MEG3: variants seen among roughly 807,000 people sequenced by gnomAD.
MEG3 encodes the protein Very putative protein from MEG3 locus.
chr14:100,831,475 T>A (rs1018030132), downstream of MEG3: 1 of 152,702 alleles, frequency 6.5e-6, no homozygotes, highest in Non-Finnish European at 1.5e-5. Context: ...TCACCTCCAA[T>A]TTCCTCTTCA....
At chr14:100,836,272 C>A (rs908552044) in exon 2 of MEG3, 1 of 456,570 alleles carries the variant, frequency 2.2e-6, no homozygotes, top group South Asian at 1.5e-5. Context: ...TTCTTCCTGG[C>A]GGGCCTCTCG....
rs914413136 is a variant in MEG3, at chr14:100,837,646, T to C, written n.3045+1346T>C. Among the ~76,000 whole-genome samples the C allele has an allele frequency of 2.0e-5, 3 of 152,098 alleles. No homozygotes were observed. ...AGCCATGTGCACGCATCAGCCCTTG[T>C]GCAGGCCTCCGCCCTCCGCCACCCC... On this transcript the variant is annotated intron_variant and non_coding_transcript_variant, in intron 2 of 3. Coordinates refer to the MEG3 transcript ENST00000398461. The surrounding 1 kb of genome is among the most constrained non-coding windows in gnomAD (Gnocchi z 5.8).
At chr14:100,836,841 G>A (rs977139708) in intron 2 of MEG3, among the ~76,000 whole-genome samples, 2 of 152,006 alleles carry the variant, frequency 1.3e-5, no homozygotes, top group Non-Finnish European at 2.9e-5. Flanking sequence ...TGGTTTTTGA[G>A]CAAGTTCTTC....
At chr14:100,849,239 G>A (rs1488944701) in intron 3 of MEG3, 1 of 152,214 alleles carries the variant, frequency 6.6e-6, no homozygotes, top group Non-Finnish European at 1.5e-5. Flanking sequence ...CTGGGTTCCT[G>A]AGATAGTTAA....
chr14:100,845,149 G>A lies in MEG3; in HGVS notation n.3046-309G>A, dbSNP rs767786583. Among the ~76,000 whole-genome samples, 4 of 152,162 alleles carry A rather than the reference G, an allele frequency of 2.6e-5. No homozygotes were observed. Among genetic ancestry groups the A allele is most frequent in the Admixed American group, 6.5e-5 (1 of 15,284 alleles). ...TGTCTTCAGGGCCTGGGCCACCCCC[G>A]TTTCTCATCTATGCAGGGTCCTAAG... On this transcript the variant is annotated intron_variant and non_coding_transcript_variant, in intron 2 of 3. Transcript: ENST00000398461. This position sits in a 1 kb window ranked among gnomAD's most constrained non-coding sequence, Gnocchi z 5.2.
At chr14:100,856,510 C>G (rs578187688), upstream of MEG3, 2 of 152,770 alleles carry the variant, frequency 1.3e-5, no homozygotes, top group South Asian at 4.1e-4. Context: ...GCAATGTAAC[C>G]GTGATTTTGA....
chr14:100,850,023 A>G (rs149406604), intron 3 of MEG3: 49 of 152,398 alleles, frequency 3.2e-4, no homozygotes, highest in African/African-American at 1.2e-3. Context: ...AAATAAAAGA[A>G]TAAATACTTA....
At chr14:100,834,254 A>G (rs2037485185) in exon 1 of MEG3, 4 of 163,662 alleles carry the variant, frequency 2.4e-5, no homozygotes, top group Admixed American at 2.4e-4. Flanking sequence ...AATCCATGGC[A>G]CTCTCCTCAC....
intron 2 of MEG3, among the ~76,000 whole-genome samples, chr14:100,842,659 A>C (rs1259820581): frequency 6.6e-6 from 1 of 152,208 alleles, no homozygotes; most frequent in African/African-American, 2.4e-5. Flanking sequence ...AATAAAAGTC[A>C]TCCTTTTAGG....
intron 2 of MEG3, among the ~76,000 whole-genome samples, chr14:100,841,291 T>C (rs1484550764): frequency 6.6e-6 from 1 of 152,232 alleles, no homozygotes; most frequent in Admixed American, 6.5e-5. Context: ...GAGACCTGGT[T>C]AGAGCCTGTG....
chr14:100,848,059 A>G (rs899612689), intron 3 of MEG3: 3 of 152,216 alleles, frequency 2.0e-5, no homozygotes, highest in African/African-American at 7.2e-5. Flanking sequence ...TCCGAAGACA[A>G]AGTGCAAGAG....
chr14:100,834,645 C>T (rs2037502400), exon 1 of MEG3: 2 of 455,736 alleles, frequency 4.4e-6, no homozygotes, highest in South Asian at 1.6e-5. Context: ...CTGACCTGGC[C>T]ATCCCGGGGT....
chr14:100,852,002 C>A, intron 3 of MEG3: 1 of 223,950 alleles, frequency 4.5e-6, no homozygotes, highest in Non-Finnish European at 9.2e-6. Flanking sequence ...CATATAAAAA[C>A]ACTGGATTCT....
upstream of MEG3, chr14:100,853,844 C>T: frequency 6.6e-6 from 1 of 152,306 alleles, no homozygotes; most frequent in South Asian, 2.1e-4. Context: ...TGCTTCACTA[C>T]AGATCAGTTT....
intron 3 of MEG3, chr14:100,846,495 T>A (rs902479828): frequency 1.3e-5 from 2 of 152,298 alleles, no homozygotes; most frequent in African/African-American, 4.8e-5. Flanking sequence ...CCTTGGTTGG[T>A]GACTCAGTGA....
At chr14:100,860,424 T>A in intron 1 of MEG3, 1 of 327,680 alleles carries the variant, frequency 3.1e-6, no homozygotes, top group South Asian at 2.3e-5. Flanking sequence ...TAGGTGGGCG[T>A]CAGGACTAGA....
chr14:100,845,367 GC>G lies in MEG3; in HGVS notation n.3046-85del, dbSNP rs1207379253. On this transcript the variant is annotated intron_variant and non_coding_transcript_variant, in intron 2 of 3. Transcript: ENST00000398461. This position sits in a 1 kb window ranked among gnomAD's most constrained non-coding sequence, Gnocchi z 5.2. ...TCTCTGCTCCAGGCCACCCCTGCCC[GC>G]CCCCCAGAGCTGTTGTCCTCATCCG... 5 of 362,806 alleles carry G rather than the reference GC, an allele frequency of 1.4e-5. No individual in the cohort carries two copies. In the East Asian group the frequency reaches 3.4e-4, roughly 24 times the overall value. The allele number at this position is 362,806 out of a possible 1,614,324, so 22.5% of individuals were successfully genotyped here.
At chr14:100,836,791 C>G (rs1452105803) in intron 2 of MEG3, among the ~76,000 whole-genome samples, 1 of 152,164 alleles carries the variant, frequency 6.6e-6, no homozygotes, top group Non-Finnish European at 1.5e-5. Context: ...ACCGTGGTTT[C>G]TCACACATGA....
intron 2 of MEG3, chr14:100,836,349 A>C (rs1371235848): frequency 4.4e-6 from 2 of 450,440 alleles, no homozygotes; most frequent in Non-Finnish European, 4.4e-6. Context: ...GGGTCAGCTC[A>C]TGTCTCTCCT....
Sources: allele counts gnomAD v4.1 joint callset (sites outside exome capture counted in the v4.1 genomes callset), GRCh38; gene constraint gnomAD v4.1.1; non-coding constraint Gnocchi (gnomAD v3.1); transcripts MANE v1.5; gene names NCBI Gene and HGNC (gene_info 2026-07-23, HGNC 2026-07-21).